Variants in CLMN observed in about 807,000 individuals in gnomAD.
CLMN encodes the protein calmin, also known as calmin (calponin-like, transmembrane).
CLMN carries 57 observed loss-of-function variants against 92.7 expected under a neutral mutation model. The observed-to-expected ratio is 0.61, with a 90% CI of 0.50 to 0.77. CLMN has a LOEUF of 0.77. Among genes scored for constraint, CLMN ranks in the 30% least tolerant of loss-of-function variants. CLMN has a pLI of 0.00. For missense variants in CLMN, 1,158 were observed against 1,237.5 expected (o/e 0.94, Z 0.96); for synonymous variants, 466 against 470.6 (o/e 0.99, Z 0.13).
intron 1 of CLMN, among the ~76,000 whole-genome samples, chr14:95,252,161 G>A (rs1412054893): frequency 1.3e-5 from 2 of 152,106 alleles, no homozygotes; most frequent in Non-Finnish European, 2.9e-5. Flanking sequence ...AGCTGAAGTC[G>A]GGCAGCAACT....
At chr14:95,268,343 C>T (rs150392548) in intron 1 of CLMN, among the ~76,000 whole-genome samples, 61 of 150,108 alleles carry the variant, frequency 4.1e-4, no homozygotes, top group Middle Eastern at 3.4e-3. Flanking sequence ...ATGTGCAATA[C>T]CTTGGATGTA....
intron 4 of CLMN, among the ~76,000 whole-genome samples, chr14:95,218,659 A>T (rs775702979): frequency 2.6e-5 from 4 of 152,218 alleles, no homozygotes; most frequent in African/African-American, 4.8e-5. Context: ...TCTGCATCTG[A>T]AACGCTCGTT....
intron 9 of CLMN, among the ~76,000 whole-genome samples, chr14:95,199,632 G>C (rs1049717077): frequency 6.6e-6 from 1 of 152,222 alleles, no homozygotes; most frequent in Non-Finnish European, 1.5e-5. Flanking sequence ...TCTCTCGGGA[G>C]AGAAAAACAA....
chr14:95,319,784 T>G lies in CLMN; in HGVS notation c.9A>C (p.Ala3=). The change falls in exon 1 of 13, where the codon GCA becomes GCC. Residue 3 remains alanine, a synonymous_variant. Coordinates refer to ENST00000298912, the MANE Select transcript of CLMN (RefSeq NM_024734.4). ...CGCGTTGGAACCAGTCCCACTCGTGTGCAGCCATGAAGCGCGGGCGGGAGA... is the reference window on the plus strand; with the variant it reads ...CGCGTTGGAACCAGTCCCACTCGTGGGCAGCCATGAAGCGCGGGCGGGAGA... The part of the protein sequence containing the change: MA[A]HEWDWFQREE... 2 of 1,577,018 alleles carry G rather than the reference T, an allele frequency of 1.3e-6. No homozygotes were observed. Among genetic ancestry groups the G allele is most frequent in the South Asian group, 1.1e-5 (1 of 88,992 alleles).
intron 1 of CLMN, 40 bp from the exon 2 acceptor site, chr14:95,230,173 G>A: frequency 6.3e-7 from 1 of 1,587,166 alleles, no homozygotes; most frequent in East Asian, 2.2e-5. Flanking sequence ...AGAATAAGAA[G>A]TATGTGCAAA....
At position 95,188,244 on chromosome 14, in the gene CLMN, T is replaced by G. The variant is rs1896484581; in HGVS notation, c.*3320A>C. 1.3e-5 allele frequency: 2 copies of G among 152,076 alleles called. No homozygotes were observed. The highest frequency in any genetic ancestry group is 1.3e-4 in the Admixed American group (2 of 15,266). 9.4% of individuals were successfully genotyped at this position (152,076 alleles called of 1,614,324 possible). On this transcript the variant is annotated 3_prime_UTR_variant, in exon 13 of 13. Transcript: ENST00000298912. ...TGAGAAAAATTCACAACGTGAAAGATAGAGACTGAGACCACCAAAATAAAG... is the reference window on the plus strand; with the variant it reads ...TGAGAAAAATTCACAACGTGAAAGAGAGAGACTGAGACCACCAAAATAAAG...
intron 1 of CLMN, among the ~76,000 whole-genome samples, chr14:95,271,365 C>T (rs1361050123): frequency 6.6e-6 from 1 of 152,150 alleles, no homozygotes; most frequent in African/African-American, 2.4e-5. Context: ...GATTCAGTCC[C>T]AGAACAGCAG....
chr14:95,194,560 T>C lies in CLMN; in HGVS notation c.2745A>G (p.Arg915=), dbSNP rs1896648535. 1.2e-6 allele frequency: 2 copies of C among 1,614,052 alleles called. No homozygotes were observed. Among genetic ancestry groups the C allele is most frequent in the South Asian group, 2.2e-5 (2 of 91,084 alleles). ...CCGATTCCGAAGACCTATGAGTATG[T>C]CGTCGAAGGTAAATGCTGGAGTCAC... ...SHSDSSIYLR[R]HTHRSSESDH... The change falls in exon 11 of 13, where the codon CGA becomes CGG. Residue 915 remains arginine (R), a synonymous_variant. Coordinates refer to ENST00000298912, the MANE Select transcript of CLMN (RefSeq NM_024734.4). The surrounding 1 kb of genome is among the most constrained non-coding windows in gnomAD (Gnocchi z 4.0).
At chr14:95,209,011 T>C (rs1176320237) in intron 8 of CLMN, among the ~76,000 whole-genome samples, 1 of 152,208 alleles carries the variant, frequency 6.6e-6, no homozygotes, top group East Asian at 1.9e-4. Flanking sequence ...GGCCCCAAAC[T>C]GCAAAAGTAA....
chr14:95,275,951 C>T (rs2140730270), intron 1 of CLMN, among the ~76,000 whole-genome samples: 1 of 152,338 alleles, frequency 6.6e-6, no homozygotes, highest in East Asian at 1.9e-4. Context: ...GCATGAGCCA[C>T]CATGCCTGGC....
chr14:95,317,233 C>G (rs1238097795), intron 1 of CLMN, among the ~76,000 whole-genome samples: 1 of 152,132 alleles, frequency 6.6e-6, no homozygotes, highest in Non-Finnish European at 1.5e-5. Context: ...CTGAGTACCA[C>G]AGGAGCAAGG....
Position 95,186,479 on chromosome 14 carries a change from C to T in CLMN, c.*5085G>A, listed in dbSNP as rs1369317549. 6.6e-6 allele frequency: 1 copy of T among 152,230 alleles called. No individual in the cohort carries two copies. Among genetic ancestry groups the T allele is most frequent in the Non-Finnish European group, 1.5e-5 (1 of 68,050 alleles). The allele number at this position is 152,230 out of a possible 1,614,324, so 9.4% of individuals were successfully genotyped here. On this transcript the variant is annotated 3_prime_UTR_variant, in exon 13 of 13. Coordinates refer to ENST00000298912, the MANE Select transcript of CLMN (RefSeq NM_024734.4). The stretch of plus-strand genomic sequence containing the variant: ...CCGACCACCTGATCATCAACTATGG[C>T]AAGATACAAACTTCGACGAGGCAAT...
chr14:95,309,681 C>T (rs1901445231), intron 1 of CLMN, among the ~76,000 whole-genome samples: 1 of 152,082 alleles, frequency 6.6e-6, no homozygotes, highest in Admixed American at 6.5e-5. Flanking sequence ...ATGACCACAG[C>T]CCTGGTCTGT....
chr14:95,270,740 C>T (rs534267292), intron 1 of CLMN, among the ~76,000 whole-genome samples: 2 of 152,288 alleles, frequency 1.3e-5, no homozygotes, highest in African/African-American at 4.8e-5. Context: ...CCACATTCTG[C>T]CTACCATGAA....
At chr14:95,293,371 TC>T in intron 1 of CLMN, among the ~76,000 whole-genome samples, 1 of 54,312 alleles carries the variant, frequency 1.8e-5, no homozygotes, top group Non-Finnish European at 4.2e-5. Context: ...CCTCCCTCCT[TC>T]CTTCCCTCCC....
At chr14:95,265,495 T>C (rs1038331105) in intron 1 of CLMN, among the ~76,000 whole-genome samples, 1 of 152,230 alleles carries the variant, frequency 6.6e-6, no homozygotes, top group Non-Finnish European at 1.5e-5. Context: ...AATAAGTGTC[T>C]TTCTCTGTAT....
rs755572049 is a variant in CLMN at position 95,203,989 on chromosome 14, T to C, written c.1360A>G (p.Lys454Glu). Residue 454 changes from lysine (K) to glutamate (E), a missense_variant, in exon 9 of 13, where the codon AAG (lysine) becomes GAG (glutamate). Transcript: ENST00000298912. Reference protein sequence around the residue: ...LCFEGSPRVAKESLRQDGHVL... With the variant: ...LCFEGSPRVAEESLRQDGHVL... ...TGTCCATCCTGCCTCAATGATTCCT[T>C]TGCCACTCTTGGGCTCCCTTCAAAG... 8.7e-6 allele frequency: 14 copies of C among 1,614,196 alleles called. No homozygotes were observed. The highest frequency in any genetic ancestry group is 1.2e-5 in the Non-Finnish European group (14 of 1,180,000).
intron 9 of CLMN, among the ~76,000 whole-genome samples, chr14:95,197,406 A>G (rs374371809): frequency 0.014 from 2,163 of 150,270 alleles, 61 homozygotes; most frequent in African/African-American, 0.051. Context: ...AAAAAGAAAA[A>G]AAGAAAGAAA....
In CLMN at chr14:95,194,400, A is replaced by C; in HGVS notation, c.2769+136T>G. 6.5e-7 allele frequency: 1 copy of C among 1,528,098 alleles called. No individual in the cohort carries two copies. The allele number at this position is 1,528,098 out of a possible 1,614,324, so 94.7% of individuals were successfully genotyped here. On this transcript the variant is annotated intron_variant, in intron 11 of 12. Transcript: ENST00000298912. The surrounding 1 kb of genome is among the most constrained non-coding windows in gnomAD (Gnocchi z 4.0). ...GGACTGTGCTTAATGATAAGGTTCC[A>C]ATCTGCTTGTCTTCTATCCAAAAGT...
Sources: gnomAD v4.1 joint callset for allele counts (sites outside exome capture counted in the v4.1 genomes callset) on GRCh38, gnomAD v4.1.1 for gene constraint, Gnocchi (gnomAD v3.1) non-coding constraint, MANE v1.5 for transcripts, NCBI Gene and HGNC (gene_info 2026-07-23, HGNC 2026-07-21) for gene names.